The following SAXO1 variants were observed in gnomAD, a reference collection of about 807,000 sequenced individuals.
SAXO1 encodes the protein 4930500O09Rik.
A neutral mutation model predicts 17.5 loss-of-function variants in SAXO1; 21 were observed. That is an observed-to-expected ratio of 1.20 (90% CI 0.85 to 1.72). SAXO1 has a LOEUF of 1.72. SAXO1 is among the 40% of genes most tolerant of loss of function. SAXO1 has a pLI of 0.00. For synonymous variants in SAXO1, 274 were observed against 216.5 expected (o/e 1.27, Z -2.33); for missense variants, 843 against 596.0 (o/e 1.41, Z -4.32).
At chr9:18,942,356 C>T (rs1056676779) in intron 2 of SAXO1, among the ~76,000 whole-genome samples, 2 of 152,168 alleles carry the variant, frequency 1.3e-5, no homozygotes, top group African/African-American at 4.8e-5. Flanking sequence ...CTCTCACGAT[C>T]CCCACCCCAC....
At chr9:18,931,960 T>A (rs1245592965) in intron 3 of SAXO1, among the ~76,000 whole-genome samples, 1 of 152,248 alleles carries the variant, frequency 6.6e-6, no homozygotes, top group Non-Finnish European at 1.5e-5. Context: ...CTATCACTTC[T>A]CTTTTCATTT....
At chr9:18,988,282 G>C (rs940047218) in intron 1 of SAXO1, among the ~76,000 whole-genome samples, 2 of 152,168 alleles carry the variant, frequency 1.3e-5, no homozygotes, top group African/African-American at 4.8e-5. Flanking sequence ...CTTCAAAAAG[G>C]ATTACATTAT....
intron 1 of SAXO1, among the ~76,000 whole-genome samples, chr9:19,028,551 T>G (rs1190991422): frequency 6.6e-6 from 1 of 152,190 alleles, no homozygotes; most frequent in African/African-American, 2.4e-5. Context: ...AGTGGTACAT[T>G]AGTTTCAAAA....
intron 1 of SAXO1, among the ~76,000 whole-genome samples, chr9:19,016,866 A>C (rs1588537702): frequency 7.7e-6 from 1 of 129,206 alleles, no homozygotes; most frequent in Non-Finnish European, 1.6e-5. Flanking sequence ...ATGAATTCCC[A>C]CCATATTCAT....
At chr9:18,942,722 GGC>G (rs1277363766) in intron 2 of SAXO1, among the ~76,000 whole-genome samples, 1 of 152,146 alleles carries the variant, frequency 6.6e-6, no homozygotes, top group Admixed American at 6.5e-5. Flanking sequence ...CAGATAAAAA[GGC>G]CCAGATGCTC....
rs1363812043 is a variant in SAXO1, at chr9:19,033,162, C to G, written c.-254G>C. On this transcript the variant is annotated 5_prime_UTR_variant, in exon 1 of 4. Transcript: ENST00000380534. Reference sequence around the variant, plus strand: ...CCGGGAGACCTCACCCTGCACGCCACCGCCCCGGCCTCCGCAGTCCAGACT... The same window carrying G: ...CCGGGAGACCTCACCCTGCACGCCAGCGCCCCGGCCTCCGCAGTCCAGACT... The G allele has an allele frequency of 1.9e-5, 8 of 431,820 alleles. No homozygotes were observed. Among genetic ancestry groups the G allele is most frequent in the Non-Finnish European group, 2.9e-5 (7 of 243,704 alleles). 26.7% of individuals were successfully genotyped at this position (431,820 alleles called of 1,614,324 possible). A position where few individuals can be genotyped will look rare whatever the true frequency, so the allele number is the denominator to read the frequency against.
At chr9:18,980,568 G>A (rs1477263858) in intron 1 of SAXO1, among the ~76,000 whole-genome samples, 1 of 142,720 alleles carries the variant, frequency 7.0e-6, no homozygotes, top group Non-Finnish European at 1.5e-5. Context: ...AGAAGAGGAG[G>A]AGGAGGAGGA....
At chr9:19,035,933 CA>C (rs1217567774), upstream of SAXO1, among the ~76,000 whole-genome samples, 2 of 152,054 alleles carry the variant, frequency 1.3e-5, no homozygotes, top group Non-Finnish European at 2.9e-5. Flanking sequence ...AAGCAGAGCA[CA>C]AAAGTTTGGA....
intron 1 of SAXO1, among the ~76,000 whole-genome samples, chr9:18,997,168 T>A (rs1834041626): frequency 6.6e-6 from 1 of 151,902 alleles, no homozygotes; most frequent in African/African-American, 2.4e-5. Context: ...GAACAAGGGG[T>A]TGGGGGATTT....
At chr9:18,932,295 C>G (rs2131672911) in intron 3 of SAXO1, among the ~76,000 whole-genome samples, 1 of 152,332 alleles carries the variant, frequency 6.6e-6, no homozygotes, top group African/African-American at 2.4e-5. Context: ...TATCCTCTCC[C>G]ACACTGAAGT....
intron 3 of SAXO1, among the ~76,000 whole-genome samples, chr9:18,930,864 T>A (rs781443970): frequency 6.6e-6 from 1 of 152,296 alleles, no homozygotes; most frequent in South Asian, 2.1e-4. Flanking sequence ...ATCAGGCCCA[T>A]AAATTACCAG....
At chr9:19,048,370 T>A (rs924499941) in intron 1 of SAXO1, among the ~76,000 whole-genome samples, 2 of 151,894 alleles carry the variant, frequency 1.3e-5, no homozygotes, top group Non-Finnish European at 2.9e-5. Context: ...GGCAGGAGAA[T>A]CGCTTGAACT....
Position 18,950,786 on chromosome 9 carries a change from T to C in SAXO1, c.190A>G (p.Ile64Val), listed in dbSNP as rs1832003159. 2 of 1,613,708 alleles carry C rather than the reference T, an allele frequency of 1.2e-6. No homozygotes were observed. The highest frequency in any genetic ancestry group is 1.7e-6 in the Non-Finnish European group (2 of 1,179,648). The change falls in exon 2 of 4, where the codon ATA becomes GTA. Residue 64 changes from isoleucine to valine, a missense_variant. Coordinates refer to ENST00000380534, the MANE Select transcript of SAXO1 (RefSeq NM_153707.4). ...GATGTAGTCAGGCCTTCCATTGGTA[T>C]AGGCCCTTTCTGGTACTCCCGCCTT... ...KPRREYQKGPIPMEGLTTSRR... is the reference protein window; with the variant it reads ...KPRREYQKGPVPMEGLTTSRR...
At chr9:18,929,955 A>G (rs1210504461) in intron 3 of SAXO1, among the ~76,000 whole-genome samples, 7 of 152,214 alleles carry the variant, frequency 4.6e-5, no homozygotes, top group East Asian at 3.8e-4. Flanking sequence ...CATCTTCACA[A>G]TAACCCTTTG....
At chr9:19,014,477 A>AAAAAAAG (rs1834885811) in intron 1 of SAXO1, among the ~76,000 whole-genome samples, 3 of 149,610 alleles carry the variant, frequency 2.0e-5, no homozygotes, top group Non-Finnish European at 4.5e-5. Context: ...AAAAAAAAAA[A>AAAAAAAG]GTTAATTAAT....
chr9:19,010,729 G>T (rs1834696764), intron 1 of SAXO1, among the ~76,000 whole-genome samples: 2 of 152,110 alleles, frequency 1.3e-5, no homozygotes, highest in African/African-American at 4.8e-5. Context: ...GCTTATCAAA[G>T]AAATCAAGAA....
chr9:18,939,417 C>T (rs1440422145), intron 3 of SAXO1, among the ~76,000 whole-genome samples: 1 of 152,212 alleles, frequency 6.6e-6, no homozygotes, highest in African/African-American at 2.4e-5. Context: ...GAGGTTACAG[C>T]CTGGCCATTA....
intron 1 of SAXO1, among the ~76,000 whole-genome samples, chr9:18,980,106 C>A (rs1317514223): frequency 1.3e-5 from 2 of 152,114 alleles, no homozygotes; most frequent in Non-Finnish European, 2.9e-5. Flanking sequence ...TGGACTTGCT[C>A]AAGTGTTTAT....
At chr9:18,939,694 G>A (rs879629252) in intron 3 of SAXO1, among the ~76,000 whole-genome samples, 2 of 152,330 alleles carry the variant, frequency 1.3e-5, no homozygotes, top group African/African-American at 2.4e-5. Flanking sequence ...AAGACACCAG[G>A]ACTTCCAAGG....
Sources: allele counts gnomAD v4.1 joint callset (sites outside exome capture counted in the v4.1 genomes callset), GRCh38; gene constraint gnomAD v4.1.1; transcripts MANE v1.5; gene names NCBI Gene and HGNC (gene_info 2026-07-23, HGNC 2026-07-21).